Variants in NAAA observed in about 807,000 individuals in gnomAD.
NAAA encodes N-acylethanolamine-hydrolyzing acid amidase.
In NAAA, 39 loss-of-function variants were observed where a neutral mutation model predicts 44.8. The observed-to-expected ratio is 0.87, with a 90% CI of 0.67 to 1.14. The LOEUF (loss-of-function observed/expected upper bound fraction) is 1.14. NAAA is among the 50% of genes most tolerant of loss of function. NAAA has a pLI of 0.00. For missense variants in NAAA, 460 were observed against 467.8 expected (o/e 0.98, Z 0.15); for synonymous variants, 178 against 191.3 (o/e 0.93, Z 0.58).
intron 5 of NAAA, among the ~76,000 whole-genome samples, chr4:75,925,198 G>A (rs1726555253): frequency 6.6e-6 from 1 of 152,132 alleles, no homozygotes; most frequent in Admixed American, 6.6e-5. Context: ...ACCACACCCA[G>A]CTAATTTTTT....
intron 3 of NAAA, among the ~76,000 whole-genome samples, chr4:75,934,385 A>G (rs1439239827): frequency 6.6e-6 from 1 of 151,848 alleles, no homozygotes; most frequent in African/African-American, 2.4e-5. Context: ...GTGCGATCTC[A>G]GCTCACTGCA....
chr4:75,921,182 T>G (rs1726134015), intron 5 of NAAA, 59 bp from the exon 6 acceptor site: 1 of 1,476,036 alleles, frequency 6.8e-7, no homozygotes. Context: ...CCACACCAGA[T>G]GATGCAAAAA....
intron 9 of NAAA, among the ~76,000 whole-genome samples, 190 bp downstream of exon 9, chr4:75,918,571 C>T (rs972110319): frequency 6.6e-6 from 1 of 152,070 alleles, no homozygotes; most frequent in Admixed American, 6.6e-5. Context: ...ACCCCCACCC[C>T]ACCCATATTA....
chr4:75,914,447 T>C, intron 10 of NAAA, 109 bp from the exon 11 acceptor site: 1 of 387,064 alleles, frequency 2.6e-6, no homozygotes. Flanking sequence ...TGATCTCAGC[T>C]CACTACAAAC....
At chr4:75,931,033 C>T (rs1326079215) in intron 4 of NAAA, among the ~76,000 whole-genome samples, 181 bp downstream of exon 4, 1 of 152,192 alleles carries the variant, frequency 6.6e-6, no homozygotes, top group Non-Finnish European at 1.5e-5. Flanking sequence ...TTCTTTGCAG[C>T]ACTTATTGCT....
chr4:75,915,038 A>G (rs539384918), intron 9 of NAAA, 53 bp from the exon 10 acceptor site: 6 of 1,337,824 alleles, frequency 4.5e-6, no homozygotes, highest in Non-Finnish European at 5.4e-6. Flanking sequence ...AATATGCCAG[A>G]AAGGGAAGAA....
At chr4:75,939,206 T>C (rs1156815431) in intron 2 of NAAA, among the ~76,000 whole-genome samples, 1 of 152,016 alleles carries the variant, frequency 6.6e-6, no homozygotes, top group African/African-American at 2.4e-5. Flanking sequence ...GCTGGCCCTA[T>C]TAGAGCAGTG....
chr4:75,916,775 CTTCTTTT>C (rs1197043066), intron 9 of NAAA, among the ~76,000 whole-genome samples: 4 of 106,398 alleles, frequency 3.8e-5, no homozygotes, highest in Non-Finnish European at 7.4e-5. Flanking sequence ...ATATTCATCA[CTTCTTTT>C]TTTTTTTTTT....
At chr4:75,932,849 C>T (rs997354703) in intron 3 of NAAA, among the ~76,000 whole-genome samples, 15 of 150,288 alleles carry the variant, frequency 1.0e-4, no homozygotes, top group Non-Finnish European at 1.8e-4. Context: ...CAAAGAAGTA[C>T]TTTGGCAAGG....
At chr4:75,920,926 G>C (rs1222259630) in intron 6 of NAAA, 25 bp downstream of exon 6, 2 of 1,613,444 alleles carry the variant, frequency 1.2e-6, no homozygotes, top group Non-Finnish European at 1.7e-6. Context: ...GATACAAAAT[G>C]ACCAGAGCTT....
rs185871619 is a variant in NAAA at position 75,931,384 on chromosome 4, C to A, written c.499-80G>T. 1,008 of 1,096,934 alleles carry A rather than the reference C, an allele frequency of 9.2e-4. 18 individuals are homozygous for A. In the Admixed American group the frequency reaches 0.019, roughly 21 times the overall value. 68.0% of individuals were successfully genotyped at this position (1,096,934 alleles called of 1,614,324 possible). Reference sequence around the variant, plus strand: ...ATCACCTGTTCTGCCCCACAATTTTCTGGATTTTTTTTCTTATAAATTCCA... The same window carrying A: ...ATCACCTGTTCTGCCCCACAATTTTATGGATTTTTTTTCTTATAAATTCCA... On this transcript the variant is annotated intron_variant, in intron 3 of 10. Transcript: ENST00000286733.
At chr4:75,924,288 C>T (rs1262136788) in intron 5 of NAAA, among the ~76,000 whole-genome samples, 1 of 152,220 alleles carries the variant, frequency 6.6e-6, no homozygotes, top group African/African-American at 2.4e-5. Flanking sequence ...CATCTCTATT[C>T]TTGCACTTTG....
At chr4:75,921,948 C>A (rs2149254633) in intron 5 of NAAA, among the ~76,000 whole-genome samples, 1 of 152,294 alleles carries the variant, frequency 6.6e-6, no homozygotes, top group South Asian at 2.1e-4. Flanking sequence ...TCCATATGGG[C>A]TCCTTCCTAG....
chr4:75,919,548 G>A (rs931786028), intron 8 of NAAA: 41 of 289,188 alleles, frequency 1.4e-4, no homozygotes, highest in African/African-American at 4.6e-4. Flanking sequence ...GCGCAATCTC[G>A]GCTCACTGCA....
At chr4:75,937,588 C>T (rs1049837811) in intron 2 of NAAA, among the ~76,000 whole-genome samples, 4 of 152,194 alleles carry the variant, frequency 2.6e-5, no homozygotes, top group Admixed American at 6.5e-5. Flanking sequence ...CGGGCTGAAG[C>T]GATCCTCCCA....
Position 75,920,710 on chromosome 4 carries a change from G to A in NAAA, c.902+28C>T, listed in dbSNP as rs760589341. 7.4e-6 allele frequency: 12 copies of A among 1,613,970 alleles called. No homozygotes were observed. The South Asian group carries it at 1.2e-4, about 16-fold the overall frequency. On this transcript the variant is annotated intron_variant, in intron 7 of 10. Transcript: ENST00000286733. ...ATTCTCCTGACCATAAGAAAACACT[G>A]CAAACCAGAAAGCACGTAGCAGCCT...
chr4:75,919,811 C>G, intron 8 of NAAA, 98 bp downstream of exon 8: 1 of 1,211,908 alleles, frequency 8.3e-7, no homozygotes, highest in Non-Finnish European at 1.2e-6. Flanking sequence ...TTTACCCTAA[C>G]GTTTTCATCT....
rs1336152853 is a variant in NAAA, at chr4:75,913,996, C to T, written c.*379G>A. The T allele has an allele frequency of 5.1e-6, 5 of 985,296 alleles. No homozygotes were observed. Among genetic ancestry groups the T allele is most frequent in the Middle Eastern group, 5.2e-4 (1 of 1,936 alleles). 61.0% of individuals were successfully genotyped at this position (985,296 alleles called of 1,614,324 possible). ...TCACAATGAACAGAGGTCTTGCCAG[C>T]TCATTTCATTAGCGGAGAAGCAAAG... On this transcript the variant is annotated 3_prime_UTR_variant, in exon 11 of 11. Coordinates refer to ENST00000286733, the MANE Select transcript of NAAA (RefSeq NM_014435.4).
intron 3 of NAAA, among the ~76,000 whole-genome samples, chr4:75,931,880 C>A (rs1727261369): frequency 6.6e-6 from 1 of 152,128 alleles, no homozygotes; most frequent in African/African-American, 2.4e-5. Flanking sequence ...CAAAGGGGTG[C>A]ACAAAGCAGG....
Sources: allele counts gnomAD v4.1 joint callset (sites outside exome capture counted in the v4.1 genomes callset), GRCh38; gene constraint gnomAD v4.1.1; transcripts MANE v1.5; gene names NCBI Gene and HGNC (gene_info 2026-07-23, HGNC 2026-07-21).